Variants in STAT5B observed in about 807,000 individuals in gnomAD.
STAT5B encodes the protein transcription factor STAT5B.
STAT5B carries 21 observed loss-of-function variants against 107.8 expected under a neutral mutation model. That is an observed-to-expected ratio of 0.19 (90% CI 0.14 to 0.28). The LOEUF (loss-of-function observed/expected upper bound fraction) is 0.28, where lower values mean the gene tolerates loss of function less well. Ranked by LOEUF, STAT5B falls within the 10% of genes least tolerant of loss-of-function variation. The pLI is 1.00. For synonymous variants in STAT5B, 325 were observed against 401.7 expected, an observed-to-expected ratio of 0.81 and a Z score of 2.28; for missense variants, 565 against 1,008.2, an observed-to-expected ratio of 0.56 and a Z score of 5.95.
intron 1 of STAT5B, chr17:42,271,527 A>G (rs2080721949): frequency 6.6e-6 from 1 of 152,200 alleles, no homozygotes; most frequent in South Asian, 2.1e-4. Flanking sequence ...ACCTCAGAAA[A>G]CTAGCATAGA....
intron 1 of STAT5B, among the ~76,000 whole-genome samples, chr17:42,252,908 C>T (rs2080511649): frequency 6.6e-6 from 1 of 152,176 alleles, no homozygotes; most frequent in African/African-American, 2.4e-5. Flanking sequence ...TTAATTATAT[C>T]TCAAGAAAGA....
intron 1 of STAT5B, among the ~76,000 whole-genome samples, chr17:42,251,917 C>G (rs8071671): frequency 1.3e-5 from 2 of 149,976 alleles, no homozygotes; most frequent in East Asian, 3.9e-4. Flanking sequence ...GAGAATGGCT[C>G]GAACCCAGGA....
chr17:42,222,350 TC>T (rs1171219617), intron 5 of STAT5B, among the ~76,000 whole-genome samples: 1 of 152,086 alleles, frequency 6.6e-6, no homozygotes, highest in African/African-American at 2.4e-5. Context: ...CTCCACAGCC[TC>T]ACCACAGACT....
the STAT5B span, chr17:42,287,895 G>A: frequency 6.6e-6 from 1 of 152,268 alleles, no homozygotes; most frequent in Non-Finnish European, 1.5e-5. Flanking sequence ...AAGGAGGGAG[G>A]TGCTGCGGTG....
intron 1 of STAT5B, among the ~76,000 whole-genome samples, chr17:42,249,358 A>C (rs2080478998): frequency 6.6e-6 from 1 of 152,160 alleles, no homozygotes; most frequent in Non-Finnish European, 1.5e-5. Flanking sequence ...GCACCACTGC[A>C]CTCCAGCCTG....
chr17:42,203,282 G>C (rs1025721958), intron 16 of STAT5B, among the ~76,000 whole-genome samples: 5 of 152,166 alleles, frequency 3.3e-5, no homozygotes, highest in African/African-American at 9.7e-5. Flanking sequence ...CCTGGTAGAG[G>C]AGAAGGTCAG....
chr17:42,232,327 C>T (rs1248800820), intron 1 of STAT5B, among the ~76,000 whole-genome samples, 190 bp from the exon 2 acceptor site: 6 of 152,188 alleles, frequency 3.9e-5, no homozygotes, highest in Non-Finnish European at 8.8e-5. Context: ...TGGCTCACTA[C>T]AACCTCCGCC....
At chr17:42,248,054 G>A (rs2080466746) in intron 1 of STAT5B, among the ~76,000 whole-genome samples, 1 of 151,848 alleles carries the variant, frequency 6.6e-6, no homozygotes, top group African/African-American at 2.4e-5. Flanking sequence ...GAGATGGGAA[G>A]ACTGATTAGG....
intron 2 of STAT5B, among the ~76,000 whole-genome samples, chr17:42,228,749 C>A (rs533975477): frequency 6.6e-6 from 1 of 152,036 alleles, no homozygotes; most frequent in Non-Finnish European, 1.5e-5. Flanking sequence ...CTGGGCAACA[C>A]GGTGAAACCC....
chr17:42,235,685 C>T (rs1469319764), intron 1 of STAT5B, among the ~76,000 whole-genome samples: 1 of 152,098 alleles, frequency 6.6e-6, no homozygotes, highest in African/African-American at 2.4e-5. Context: ...ACCATGTTGG[C>T]CAGGATGGTC....
intron 11 of STAT5B, 58 bp from the exon 12 acceptor site, chr17:42,216,164 T>C: frequency 3.6e-6 from 5 of 1,396,150 alleles, no homozygotes; most frequent in Non-Finnish European, 9.7e-7. Flanking sequence ...TCTCCTTCTC[T>C]CTTTTTTTTT....
At chr17:42,216,226 TCAGACA>T in intron 11 of STAT5B, 120 bp from the exon 12 acceptor site, 1 of 847,808 alleles carries the variant, frequency 1.2e-6, no homozygotes, top group Non-Finnish European at 1.9e-6. Context: ...AATGTTCCTC[TCAGACA>T]CAGAATCTAA....
At chr17:42,210,103 A>G in intron 15 of STAT5B, 68 bp downstream of exon 15, 3 of 1,611,962 alleles carry the variant, frequency 1.9e-6, no homozygotes, top group Non-Finnish European at 2.5e-6. Context: ...TACCCACTAA[A>G]TTATTTGTTA....
chr17:42,202,965 A>C, intron 16 of STAT5B, 157 bp from the exon 17 acceptor site: 1 of 986,180 alleles, frequency 1.0e-6, no homozygotes, highest in Non-Finnish European at 1.6e-6. Context: ...TGTTTTTTGA[A>C]ACAGTCTCAC....
chr17:42,240,771 G>T (rs943979331), intron 1 of STAT5B, among the ~76,000 whole-genome samples: 2 of 152,214 alleles, frequency 1.3e-5, no homozygotes, highest in Admixed American at 6.5e-5. Context: ...CTGCATGCAT[G>T]TTGAGGACTT....
chr17:42,268,059 T>C (rs1367663747), intron 1 of STAT5B, among the ~76,000 whole-genome samples: 1 of 152,196 alleles, frequency 6.6e-6, no homozygotes, highest in Non-Finnish European at 1.5e-5. Context: ...ACATTTAATG[T>C]AGCCTAACCA....
At position 42,207,628 on chromosome 17, in the gene STAT5B, C is replaced by A; in HGVS notation, c.2007G>T (p.Val669=). ...CTTCATCTTTTGGCCGATCAGGAAA[C>A]ACGTAGATAAGGTAATTCAAGTCTC... ...RLGDLNYLIY[V]FPDRPKDEVY... The change falls in exon 16 of 19, where the codon GTG becomes GTT. Residue 669 remains valine, a synonymous_variant. Coordinates refer to ENST00000293328, the MANE Select transcript of STAT5B (RefSeq NM_012448.4). 1 of 1,614,054 alleles carries A rather than the reference C, an allele frequency of 6.2e-7. No homozygotes were observed.
chr17:42,201,952 G>A, intron 18 of STAT5B, 88 bp from the exon 19 acceptor site: 1 of 1,318,486 alleles, frequency 7.6e-7, no homozygotes, highest in Non-Finnish European at 1.1e-6. Context: ...GGAGCAGTCT[G>A]AGCCAGCCTA....
chr17:42,202,043 C>T (rs934657043), intron 18 of STAT5B, 179 bp from the exon 19 acceptor site: 3 of 655,692 alleles, frequency 4.6e-6, no homozygotes, highest in East Asian at 2.7e-5. Context: ...GAAATACCCT[C>T]CCCTGTTACC....
Sources: allele counts gnomAD v4.1 joint callset (sites outside exome capture counted in the v4.1 genomes callset), GRCh38; gene constraint gnomAD v4.1.1; transcripts MANE v1.5; gene names NCBI Gene and HGNC (gene_info 2026-07-23, HGNC 2026-07-21).